The following FRMD3 variants were observed in gnomAD, a reference collection of about 807,000 sequenced individuals.
The protein encoded by FRMD3 is FERM domain-containing protein 3.
A neutral mutation model predicts 70.2 loss-of-function variants in FRMD3; 33 were observed. The ratio of observed to expected loss-of-function variants is 0.47; its 90% CI spans 0.36 to 0.63. FRMD3 has a LOEUF of 0.63. FRMD3 is among the 20% of genes least tolerant of loss of function. The probability of loss-of-function intolerance (pLI) is 0.00; values close to 1 mark genes in which losing one functional copy is unlikely to be tolerated. For synonymous variants in FRMD3, 279 were observed against 255.9 expected, an observed-to-expected ratio of 1.09 and a Z score of -0.86; for missense variants, 632 against 711.4, an observed-to-expected ratio of 0.89 and a Z score of 1.27.
intron 1 of FRMD3, among the ~76,000 whole-genome samples, chr9:83,412,407 ATTT>A (rs1298362834): frequency 6.6e-6 from 1 of 152,228 alleles, no homozygotes; most frequent in Non-Finnish European, 1.5e-5. Context: ...TAGAAGTGGA[ATTT>A]TTAAGATATA....
the FRMD3 span, among the ~76,000 whole-genome samples, chr9:83,546,308 G>C: frequency 6.6e-6 from 1 of 152,210 alleles, no homozygotes; most frequent in South Asian, 2.1e-4. Flanking sequence ...AGTGAGCCAA[G>C]ATTGTGCTAC....
intron 6 of FRMD3, among the ~76,000 whole-genome samples, chr9:83,330,299 G>A (rs1188404189): frequency 6.6e-6 from 1 of 151,220 alleles, no homozygotes; most frequent in East Asian, 1.9e-4. Flanking sequence ...AGGAGGTGGA[G>A]GTTGCGGTGC....
chr9:83,535,333 T>C (rs1320826472), intron 1 of FRMD3, among the ~76,000 whole-genome samples: 1 of 152,196 alleles, frequency 6.6e-6, no homozygotes, highest in Non-Finnish European at 1.5e-5. Flanking sequence ...AGAAACCTGT[T>C]TGAGTGGCTC....
chr9:83,412,037 T>A (rs185144851), intron 1 of FRMD3, among the ~76,000 whole-genome samples: 18 of 152,342 alleles, frequency 1.2e-4, no homozygotes, highest in African/African-American at 4.1e-4. Context: ...TCCATCCCTT[T>A]CAGTTATTAC....
chr9:83,518,665 A>G (rs34077008), intron 1 of FRMD3, among the ~76,000 whole-genome samples: 64,671 of 151,918 alleles, frequency 0.43, 14,384 homozygotes, highest in Non-Finnish European at 0.49. Context: ...GAACCAAAAA[A>G]AGAGCCTGCA....
intron 1 of FRMD3, among the ~76,000 whole-genome samples, chr9:83,395,092 C>T (rs1476334272): frequency 6.6e-6 from 1 of 152,040 alleles, no homozygotes; most frequent in Non-Finnish European, 1.5e-5. Flanking sequence ...TAAAATCCTG[C>T]CCTTTGTAAA....
At chr9:83,391,001 G>C (rs1331325528) in intron 1 of FRMD3, among the ~76,000 whole-genome samples, 1 of 152,226 alleles carries the variant, frequency 6.6e-6, no homozygotes, top group East Asian at 1.9e-4. Flanking sequence ...TGCTGCTGCA[G>C]ACAATGCAGT....
intron 5 of FRMD3, 105 bp from the exon 6 acceptor site, chr9:83,335,744 A>C: frequency 2.2e-6 from 2 of 900,792 alleles, no homozygotes; most frequent in Non-Finnish European, 3.3e-6. Context: ...AGGCTGGAAT[A>C]AACTCACCCA....
At chr9:83,282,044 A>C (rs1833994410) in intron 13 of FRMD3, among the ~76,000 whole-genome samples, 1 of 152,238 alleles carries the variant, frequency 6.6e-6, no homozygotes, top group Non-Finnish European at 1.5e-5. Context: ...GAAGGAGTTG[A>C]GTCATTTTAG....
chr9:83,583,043 A>G, the FRMD3 span, among the ~76,000 whole-genome samples: 74 of 152,368 alleles, frequency 4.9e-4, no homozygotes, highest in African/African-American at 1.7e-3. Flanking sequence ...ATGATATTTA[A>G]GATCTTCACC....
intron 1 of FRMD3, among the ~76,000 whole-genome samples, chr9:83,443,318 A>T (rs1029252587): frequency 9.2e-5 from 14 of 152,172 alleles, no homozygotes; most frequent in African/African-American, 3.4e-4. Context: ...AGGCCCCAGT[A>T]TGTGATGTAC....
At chr9:83,573,074 G>T in the FRMD3 span, among the ~76,000 whole-genome samples, 1 of 152,158 alleles carries the variant, frequency 6.6e-6, no homozygotes, top group African/African-American at 2.4e-5. Flanking sequence ...AGGGATGACT[G>T]AAAAGAGTTT....
chr9:83,288,843 G>A (rs941158273), intron 13 of FRMD3, among the ~76,000 whole-genome samples: 2 of 152,204 alleles, frequency 1.3e-5, no homozygotes, highest in Non-Finnish European at 2.9e-5. Context: ...ATGGGATGAA[G>A]AGTATGGAAG....
At chr9:83,397,866 T>C (rs183917903) in intron 1 of FRMD3, among the ~76,000 whole-genome samples, 13 of 152,240 alleles carry the variant, frequency 8.5e-5, no homozygotes, top group Admixed American at 8.5e-4. Flanking sequence ...TCAAACCAAT[T>C]ACAAGGCCCT....
intron 13 of FRMD3, chr9:83,266,876 CCT>C: frequency 3.4e-6 from 3 of 888,350 alleles, no homozygotes; most frequent in Non-Finnish European, 5.1e-6. Flanking sequence ...TTTCTCCCTT[CCT>C]CTCTCTCTTT....
At chr9:83,460,271 C>G (rs1827932602) in intron 1 of FRMD3, among the ~76,000 whole-genome samples, 1 of 152,148 alleles carries the variant, frequency 6.6e-6, no homozygotes, top group Non-Finnish European at 1.5e-5. Context: ...AAGATCCCAG[C>G]TAAAACAGCA....
intron 1 of FRMD3, among the ~76,000 whole-genome samples, chr9:83,487,791 A>G (rs1314445015): frequency 6.6e-6 from 1 of 152,232 alleles, no homozygotes; most frequent in Non-Finnish European, 1.5e-5. Flanking sequence ...GGTTAACTAC[A>G]TATCAGAAGG....
At chr9:83,505,616 A>G (rs1829164829) in intron 1 of FRMD3, among the ~76,000 whole-genome samples, 1 of 152,174 alleles carries the variant, frequency 6.6e-6, no homozygotes, top group East Asian at 1.9e-4. Flanking sequence ...CAGGTTCAGC[A>G]CAACAACTGT....
chr9:83,438,729 G>A (rs759250662), intron 1 of FRMD3, among the ~76,000 whole-genome samples: 55 of 152,152 alleles, frequency 3.6e-4, no homozygotes, highest in Admixed American at 1.2e-3. Flanking sequence ...ACAGATGTAC[G>A]ATCAGATCTG....
Sources: allele counts gnomAD v4.1 joint callset (sites outside exome capture counted in the v4.1 genomes callset), GRCh38; gene constraint gnomAD v4.1.1; transcripts MANE v1.5; gene names NCBI Gene and HGNC (gene_info 2026-07-23, HGNC 2026-07-21).